LRBA: variants seen among roughly 807,000 people sequenced by gnomAD.
The protein encoded by LRBA is LPS responsive beige-like anchor protein, also known as lipopolysaccharide-responsive and beige-like anchor protein.
In LRBA, 176 loss-of-function variants were observed where a neutral mutation model predicts 330.0. The observed-to-expected ratio is 0.53, with a 90% CI of 0.47 to 0.60. LRBA has a LOEUF of 0.60. Ranked by LOEUF, LRBA falls within the 20% of genes least tolerant of loss-of-function variation. The pLI is 0.00. For missense variants in LRBA, 3,259 were observed against 3,444.8 expected, an observed-to-expected ratio of 0.95 and a Z score of 1.35; for synonymous variants, 1,230 against 1,193.0, an observed-to-expected ratio of 1.03 and a Z score of -0.64.
chr4:150,285,712 A>AGCC (rs1413851054), intron 54 of LRBA, among the ~76,000 whole-genome samples: 9 of 152,264 alleles, frequency 5.9e-5, no homozygotes, highest in Non-Finnish European at 8.8e-5. Context: ...AGTGGCCACT[A>AGCC]GCCATATGTG....
intron 37 of LRBA, among the ~76,000 whole-genome samples, chr4:150,623,323 T>G (rs1027801475): frequency 2.0e-5 from 3 of 152,120 alleles, no homozygotes; most frequent in Non-Finnish European, 4.4e-5. Flanking sequence ...CACATATTCA[T>G]TCAGAAAGAT....
intron 44 of LRBA, among the ~76,000 whole-genome samples, chr4:150,447,957 T>C (rs564882852): frequency 9.9e-5 from 15 of 152,136 alleles, no homozygotes; most frequent in Non-Finnish European, 1.6e-4. Context: ...CACGTGGAGG[T>C]CAAAGAATGC....
chr4:150,740,643 T>TA (rs34194284), intron 35 of LRBA, among the ~76,000 whole-genome samples: 109,708 of 136,106 alleles, frequency 0.81, 45,227 homozygotes, highest in Middle Eastern at 0.92. Context: ...GAAAGAATGG[T>TA]AAAAAAAAAA....
rs543671017 is a variant in LRBA at position 150,658,875 on chromosome 4, G to C, written c.5921+24676C>G. Among the ~76,000 whole-genome samples, 9 of 30,536 alleles carry C rather than the reference G, an allele frequency of 2.9e-4. 2 individuals are homozygous for C. Among genetic ancestry groups the C allele is most frequent in the Admixed American group, 1.3e-3 (2 of 1,558 alleles). The allele number at this position is 30,536 out of a possible 152,430, so 20.0% of individuals were successfully genotyped here. On this transcript the variant is annotated intron_variant, in intron 37 of 56. Transcript: ENST00000651943. ...TGATTCTCCTGCCTCAGTCTGCCGA[G>C]CGCCGCCACGCCTGACTGGTTTTGG... is the stretch of plus-strand genomic sequence containing the variant.
chr4:150,852,285 C>T lies in LRBA; in HGVS notation c.3425G>A (p.Gly1142Asp), dbSNP rs963181560. 3 of 1,614,098 alleles carry T rather than the reference C, an allele frequency of 1.9e-6. No homozygotes were observed. The highest frequency in any genetic ancestry group is 1.7e-5 in the Admixed American group (1 of 60,016). The change falls in exon 23 of 57, where the codon GGT (glycine) becomes GAT (aspartate). Residue 1142 changes from glycine (G) to aspartate (D), a missense_variant. Transcript: ENST00000651943. ...ATTACCAAACATGTCCAGTTTTTCA[C>T]CGGCTTCAGATGCAGCTGGAGACAA... is the stretch of plus-strand genomic sequence containing the variant. ...NSLSPAASEAGEKLDMFGNDD... is the reference protein window; with the variant it reads ...NSLSPAASEADEKLDMFGNDD...
intron 53 of LRBA, among the ~76,000 whole-genome samples, chr4:150,300,147 T>G (rs1349364033): frequency 1.3e-5 from 2 of 152,082 alleles, no homozygotes; most frequent in Non-Finnish European, 1.5e-5. Flanking sequence ...TTCTAATATG[T>G]GTAAATTCTC....
intron 22 of LRBA, among the ~76,000 whole-genome samples, chr4:150,863,434 G>C (rs2126967950): frequency 6.6e-6 from 1 of 152,238 alleles, no homozygotes; most frequent in Admixed American, 6.5e-5. Context: ...GGCTGAGTCA[G>C]GCAGATCACC....
chr4:150,306,517 C>T (rs1008980238), intron 52 of LRBA, among the ~76,000 whole-genome samples: 11 of 152,040 alleles, frequency 7.2e-5, no homozygotes, highest in Admixed American at 6.6e-4. Flanking sequence ...CCAGGACTAT[C>T]GTTTGAGATT....
intron 36 of LRBA, among the ~76,000 whole-genome samples, chr4:150,700,860 T>C (rs1034417261): frequency 6.6e-6 from 1 of 150,918 alleles, no homozygotes; most frequent in South Asian, 2.1e-4. Context: ...TGGGCTCGAG[T>C]GATTCTCCCA....
intron 40 of LRBA, among the ~76,000 whole-genome samples, chr4:150,543,276 G>A (rs1765511101): frequency 6.6e-6 from 1 of 152,126 alleles, no homozygotes; most frequent in Non-Finnish European, 1.5e-5. Flanking sequence ...TTGTTGCCAA[G>A]AGGGAGCTTG....
At position 150,893,146 on chromosome 4, in the gene LRBA, C is replaced by T; in HGVS notation, c.2071G>A (p.Asp691Asn). The part of the protein sequence containing the change: ...LNYLLTMHED[D>N]NLMDVLQLLV... ...AGCTGTAGGACATCCATTAGATTGT[C>T]ATCCTATAATCATTTTAGAAATTTT... Residue 691 changes from aspartate to asparagine, a missense_variant, in exon 17 of 57, where the codon GAC (aspartate) becomes AAC (asparagine). Asp to Asn is a conservative substitution (Grantham distance 23). Coordinates refer to ENST00000651943, the MANE Select transcript of LRBA (RefSeq NM_001364905.1). 6.3e-7 allele frequency: 1 copy of T among 1,589,790 alleles called. No homozygotes were observed. Among genetic ancestry groups the T allele is most frequent in the Non-Finnish European group, 8.6e-7 (1 of 1,161,566 alleles).
chr4:150,874,937 G>A (rs533058280), intron 17 of LRBA, among the ~76,000 whole-genome samples: 3 of 152,284 alleles, frequency 2.0e-5, no homozygotes, highest in South Asian at 4.1e-4. Flanking sequence ...CAGGTTCAGA[G>A]GGGTCCTCTA....
intron 2 of LRBA, among the ~76,000 whole-genome samples, chr4:150,963,856 G>A (rs1364977867): frequency 3.4e-5 from 5 of 148,524 alleles, no homozygotes; most frequent in Non-Finnish European, 7.4e-5. Flanking sequence ...AGGAAGTGAG[G>A]AGCGTCTCTG....
Position 150,325,905 on chromosome 4 carries a change from AGGGCAG to A in LRBA, c.7363-13_7363-8del. The A allele has an allele frequency of 6.4e-7, 1 of 1,569,948 alleles. No individual in the cohort carries two copies. The highest frequency in any genetic ancestry group is 8.8e-7 in the Non-Finnish European group (1 of 1,140,562). On this transcript the variant is annotated splice_polypyrimidine_tract_variant and splice_region_variant and intron_variant, in intron 48 of 56. Coordinates refer to ENST00000651943, the MANE Select transcript of LRBA (RefSeq NM_001364905.1). ...GGATTTGAGCTTCAACAGCCTGAAA[AGGGCAG>A]GGGCAAGTCTGAAGGTTAAGAGGTG... is the stretch of plus-strand genomic sequence containing the variant.
intron 34 of LRBA, among the ~76,000 whole-genome samples, chr4:150,772,387 T>C (rs916795094): frequency 1.3e-5 from 2 of 152,122 alleles, no homozygotes; most frequent in African/African-American, 2.4e-5. Flanking sequence ...GACCATAGGA[T>C]ATTTGGGCCA....
At chr4:150,664,995 T>A (rs1781447248) in intron 37 of LRBA, among the ~76,000 whole-genome samples, 1 of 152,122 alleles carries the variant, frequency 6.6e-6, no homozygotes, top group South Asian at 2.1e-4. Flanking sequence ...CAGGATTGAG[T>A]CATCTTCATG....
chr4:150,606,143 T>C (rs933582902), intron 37 of LRBA, among the ~76,000 whole-genome samples: 1 of 152,144 alleles, frequency 6.6e-6, no homozygotes, highest in African/African-American at 2.4e-5. Flanking sequence ...GGCAACCAAG[T>C]TAATTATTCA....
rs529872179 is a variant in LRBA at position 150,955,611 on chromosome 4, G to A, written c.217-26546C>T. Among the ~76,000 whole-genome samples the A allele has an allele frequency of 1.9e-3, 279 of 148,156 alleles. 40 individuals carry two copies. Among genetic ancestry groups the A allele is most frequent in the African/African-American group, 7.3e-3 (275 of 37,848 alleles). On this transcript the variant is annotated intron_variant, in intron 2 of 56. Transcript: ENST00000651943. ...CTCAATAATAATAATAATGACGTAG[G>A]CCGGGCGCCGTGGCTCACACCTGTA...
At chr4:150,346,780 A>C (rs986771298) in intron 48 of LRBA, among the ~76,000 whole-genome samples, 7 of 148,096 alleles carry the variant, frequency 4.7e-5, no homozygotes, top group East Asian at 2.0e-4. Flanking sequence ...AAAAAAAAAA[A>C]AAAAAAACAC....
Sources: allele counts gnomAD v4.1 joint callset (sites outside exome capture counted in the v4.1 genomes callset), GRCh38; gene constraint gnomAD v4.1.1; transcripts MANE v1.5; gene names NCBI Gene and HGNC (gene_info 2026-07-23, HGNC 2026-07-21).